CHCHD4: variants seen among roughly 807,000 people sequenced by gnomAD.
CHCHD4 encodes coiled-coil-helix-coiled-coil-helix domain containing 4.
Under a neutral mutation model 12.4 loss-of-function variants are expected in CHCHD4, and 7 were observed. The observed-to-expected ratio is 0.57, with a 90% confidence interval of 0.32 to 1.06. CHCHD4 has a LOEUF of 1.06. CHCHD4 is among the 50% of genes least tolerant of loss of function. The pLI is 0.04. For missense variants in CHCHD4, 143 were observed against 175.1 expected, an observed-to-expected ratio of 0.82 and a Z score of 1.03; for synonymous variants, 56 against 58.0, an observed-to-expected ratio of 0.97 and a Z score of 0.16.
chr3:14,124,803 GGCCTGCCCGCCGCGC>G lies in CHCHD4; in HGVS notation c.-142_-128del. The stretch of plus-strand genomic sequence containing the variant: ...GCCCGCGCGGACCCGCCCCCTCCCA[GGCCTGCCCGCCGCGC>G]GCCTGCCTCGGCGCCCTCGCAACCG... On this transcript the variant is annotated 5_prime_UTR_variant, in exon 1 of 3. Transcript: ENST00000396914. The G allele has an allele frequency of 8.6e-7, 1 of 1,156,078 alleles. No homozygotes were observed. The highest frequency in any genetic ancestry group is 1.2e-6 in the Non-Finnish European group (1 of 840,976). The allele number at this position is 1,156,078 out of a possible 1,614,324, so 71.6% of individuals were successfully genotyped here. A position where few individuals can be genotyped will look rare whatever the true frequency, so the allele number is the denominator to read the frequency against.
At chr3:14,122,612 G>C (rs1442224244) in intron 1 of CHCHD4, among the ~76,000 whole-genome samples, 2 of 152,196 alleles carry the variant, frequency 1.3e-5, no homozygotes, top group African/African-American at 4.8e-5. Flanking sequence ...GATTCACTCA[G>C]AACAGAGGGC....
At chr3:14,119,966 C>G (rs1387458288) in intron 1 of CHCHD4, among the ~76,000 whole-genome samples, 2 of 152,188 alleles carry the variant, frequency 1.3e-5, no homozygotes, top group African/African-American at 4.8e-5. Context: ...GGAAAAGAGA[C>G]AATCACAGGC....
chr3:14,122,562 G>A (rs950241746), intron 1 of CHCHD4, among the ~76,000 whole-genome samples: 1 of 152,230 alleles, frequency 6.6e-6, no homozygotes, highest in African/African-American at 2.4e-5. Flanking sequence ...TGAAGGCTGG[G>A]TAGCAGGTGG....
At chr3:14,123,465 G>A (rs548199002) in intron 1 of CHCHD4, among the ~76,000 whole-genome samples, 1 of 150,294 alleles carries the variant, frequency 6.7e-6, no homozygotes, top group Admixed American at 6.6e-5. Context: ...CGACCCAGAG[G>A]AGGAGAGGTT....
chr3:14,124,330 G>C (rs1694976338), intron 1 of CHCHD4, among the ~76,000 whole-genome samples: 1 of 152,134 alleles, frequency 6.6e-6, no homozygotes, highest in Admixed American at 6.5e-5. Flanking sequence ...TACATTCCCA[G>C]TTTCGAGCCA....
At position 14,124,672 on chromosome 3, in the gene CHCHD4, G is replaced by C; in HGVS notation, c.5C>G (p.Ser2Cys). The change falls in exon 1 of 3, where the codon TCC becomes TGC. Residue 2 changes from serine to cysteine, a missense_variant. By Grantham distance (112) the Ser-to-Cys change is moderately radical. Transcript: ENST00000396914. M[S>C]YCRQEGKDRI... Reference sequence around the variant, plus strand: ...CTCCCTACCTTCCTGCCGGCAATAGGACATGGCTGCAGCCCGTCCCTGAGA... The same window carrying C: ...CTCCCTACCTTCCTGCCGGCAATAGCACATGGCTGCAGCCCGTCCCTGAGA... 1 of 1,530,662 alleles carries C rather than the reference G, an allele frequency of 6.5e-7. No homozygotes were observed. The highest frequency in any genetic ancestry group is 8.8e-7 in the Non-Finnish European group (1 of 1,141,302). 94.8% of individuals were successfully genotyped at this position (1,530,662 alleles called of 1,614,324 possible).
In CHCHD4 at chr3:14,123,088, G is replaced by A. The variant is rs1015461224; in HGVS notation, c.22+1567C>T. Among the ~76,000 whole-genome samples the A allele has an allele frequency of 2.6e-5, 4 of 152,268 alleles. No homozygotes were observed. The East Asian group carries it at 7.7e-4, about 29-fold the overall frequency. On this transcript the variant is annotated intron_variant, in intron 1 of 2. Transcript: ENST00000396914. ...GGACTTCTTACGGGGACAGTGGTAT[G>A]CACAAGATAAATACTAAGGAAGGCC...
chr3:14,115,920 A>G (rs932418186), intron 2 of CHCHD4, among the ~76,000 whole-genome samples: 19 of 152,226 alleles, frequency 1.2e-4, no homozygotes, highest in African/African-American at 4.1e-4. Flanking sequence ...CCACTGTTAT[A>G]TTCAGCCATT....
chr3:14,116,500 G>C lies in CHCHD4; in HGVS notation c.47C>G (p.Thr16Ser), dbSNP rs185463681. ...QEGKDRIIFVTKEDHETPSSA... is the reference protein window; with the variant it reads ...QEGKDRIIFVSKEDHETPSSA... ...GCTTGGAGTTTCATGATCTTCTTTGGTTACAAATATGATTCGATCCTTCCC... is the reference window on the plus strand; with the variant it reads ...GCTTGGAGTTTCATGATCTTCTTTGCTTACAAATATGATTCGATCCTTCCC... Residue 16 changes from threonine (T) to serine (S), a missense_variant, in exon 2 of 3, where the codon ACC becomes AGC. Transcript: ENST00000396914. 2 of 1,612,328 alleles carry C rather than the reference G, an allele frequency of 1.2e-6. No homozygotes were observed. Among genetic ancestry groups the C allele is most frequent in the Admixed American group, 3.3e-5 (2 of 60,012 alleles).
intron 1 of CHCHD4, among the ~76,000 whole-genome samples, chr3:14,123,557 T>C (rs1222381295): frequency 2.6e-5 from 4 of 152,202 alleles, no homozygotes; most frequent in Non-Finnish European, 5.9e-5. Context: ...TAACTACAGG[T>C]AGGCCACCTC....
At chr3:14,118,559 G>A (rs1367443151) in intron 1 of CHCHD4, among the ~76,000 whole-genome samples, 1 of 152,208 alleles carries the variant, frequency 6.6e-6, no homozygotes, top group African/African-American at 2.4e-5. Context: ...TCTTACACTA[G>A]AACAGAGTAA....
At position 14,122,199 on chromosome 3, in the gene CHCHD4, T is replaced by G. The variant is rs546507854; in HGVS notation, c.22+2456A>C. The G allele has an allele frequency of 7.1e-6, 10 of 1,412,026 alleles. No homozygotes were observed. The East Asian group carries it at 2.1e-4, about 30-fold the overall frequency. 87.5% of individuals were successfully genotyped at this position (1,412,026 alleles called of 1,614,324 possible). ...AGGATGTCTGAAGCCTCAGGAAGCC[T>G]TCTCAGACCCCATAGAGCCTTTCAC... On this transcript the variant is annotated intron_variant, in intron 1 of 2. Transcript: ENST00000396914.
intron 2 of CHCHD4, among the ~76,000 whole-genome samples, chr3:14,115,751 A>G (rs1013762210): frequency 6.6e-6 from 1 of 152,232 alleles, no homozygotes. Context: ...CATCATGGAC[A>G]TCAGAAGTGG....
chr3:14,124,401 A>C (rs945825465), intron 1 of CHCHD4, among the ~76,000 whole-genome samples: 2 of 152,076 alleles, frequency 1.3e-5, no homozygotes, highest in Non-Finnish European at 2.9e-5. Context: ...CTTCCTACGC[A>C]CAGGCCCCTC....
rs150672567 is a variant in CHCHD4 at position 14,122,954 on chromosome 3, A to G, written c.22+1701T>C. Among the ~76,000 whole-genome samples, 18 of 151,974 alleles carry G rather than the reference A, an allele frequency of 1.2e-4. No individual in the cohort carries two copies. The East Asian group carries it at 3.5e-3, about 29-fold the overall frequency. ...GGAAGAGACCAGGCTGGAAAGGCAG[A>G]CAGGGCCAGATCACATAAGCTCTGA... On this transcript the variant is annotated intron_variant, in intron 1 of 2. Transcript: ENST00000396914.
intron 1 of CHCHD4, among the ~76,000 whole-genome samples, chr3:14,116,976 G>C (rs1405733815): frequency 6.6e-6 from 1 of 152,268 alleles, no homozygotes; most frequent in Non-Finnish European, 1.5e-5. Flanking sequence ...CCGGAAGAAG[G>C]AAGGGTCATA....
In CHCHD4 at chr3:14,124,796, C is replaced by T. The variant is rs1694990572; in HGVS notation, c.-120G>A. ...CTCCGAAGCCCGCGCGGACCCGCCC[C>T]CTCCCAGGCCTGCCCGCCGCGCGCC... On this transcript the variant is annotated 5_prime_UTR_variant, in exon 1 of 3. Coordinates refer to ENST00000396914, the MANE Select transcript of CHCHD4 (RefSeq NM_001098502.2). 1 of 1,179,460 alleles carries T rather than the reference C, an allele frequency of 8.5e-7. No individual in the cohort carries two copies. The highest frequency in any genetic ancestry group is 1.2e-6 in the Non-Finnish European group (1 of 867,960). 73.1% of individuals were successfully genotyped at this position (1,179,460 alleles called of 1,614,324 possible).
intron 1 of CHCHD4, among the ~76,000 whole-genome samples, 168 bp from the exon 2 acceptor site, chr3:14,116,692 C>T (rs1342760086): frequency 1.3e-5 from 2 of 151,658 alleles, no homozygotes; most frequent in East Asian, 1.9e-4. Context: ...CAAACAAAAG[C>T]GGATGGATAA....
Position 14,116,523 on chromosome 3 carries a change from C to T in CHCHD4, c.24G>A (p.Gly8=), listed in dbSNP as rs746843715. ...TGGTTACAAATATGATTCGATCCTT[C>T]CCTAGTGTTTGGAGAACAGAGGAAG... is the stretch of plus-strand genomic sequence containing the variant. MSYCRQE[G]KDRIIFVTKE... Residue 8 remains glycine (G), a splice_region_variant and synonymous_variant, in exon 2 of 3, where the codon GGG becomes GGA. Coordinates refer to ENST00000396914, the MANE Select transcript of CHCHD4 (RefSeq NM_001098502.2). The T allele has an allele frequency of 1.2e-6, 2 of 1,604,814 alleles. No individual in the cohort carries two copies. Among genetic ancestry groups the T allele is most frequent in the Non-Finnish European group, 1.7e-6 (2 of 1,171,442 alleles).
Sources: gnomAD v4.1 joint callset for allele counts (sites outside exome capture counted in the v4.1 genomes callset) on GRCh38, gnomAD v4.1.1 for gene constraint, MANE v1.5 for transcripts, NCBI Gene and HGNC (gene_info 2026-07-23, HGNC 2026-07-21) for gene names.